Variants in NEK1 observed in about 807,000 individuals in gnomAD.
NEK1 encodes NIMA related kinase 1.
A neutral mutation model predicts 182.1 loss-of-function variants in NEK1; 137 were observed. The ratio of observed to expected loss-of-function variants is 0.75; its 90% CI spans 0.65 to 0.87. NEK1 has a LOEUF of 0.87. Ranked by LOEUF, NEK1 falls within the 40% of genes least tolerant of loss-of-function variation. The pLI, the probability that NEK1 is intolerant of heterozygous loss-of-function variation, is 0.00. For synonymous variants in NEK1, 513 were observed against 492.2 expected, an observed-to-expected ratio of 1.04 and a Z score of -0.56; for missense variants, 1,391 against 1,494.4, an observed-to-expected ratio of 0.93 and a Z score of 1.14.
chr4:169,473,892 C>A (rs1340793494), intron 26 of NEK1, among the ~76,000 whole-genome samples: 2 of 152,094 alleles, frequency 1.3e-5, no homozygotes, highest in Non-Finnish European at 1.5e-5. Context: ...TAAAACTTAC[C>A]GACATGAAGG....
In NEK1 at chr4:169,421,778, T is replaced by A. The variant is rs1247096860; in HGVS notation, c.3222+2775A>T. Among the ~76,000 whole-genome samples the A allele has an allele frequency of 5.3e-5, 8 of 152,310 alleles. No homozygotes were observed. The East Asian group carries it at 1.3e-3, about 26-fold the overall frequency. On this transcript the variant is annotated intron_variant, in intron 31 of 35. Coordinates refer to ENST00000507142, the MANE Select transcript of NEK1 (RefSeq NM_001199397.3). Reference sequence around the variant, plus strand: ...AGTCTCAGGTACTTCTTGAAAGCAGTGTGAAAATCAACTCTACACAAGCGT... The same window carrying A: ...AGTCTCAGGTACTTCTTGAAAGCAGAGTGAAAATCAACTCTACACAAGCGT...
intron 12 of NEK1, among the ~76,000 whole-genome samples, chr4:169,569,278 TA>T (rs1764232456): frequency 1.3e-5 from 2 of 152,232 alleles, no homozygotes; most frequent in South Asian, 4.1e-4. Flanking sequence ...CATTAGATTT[TA>T]TTTTTAAAAA....
chr4:169,430,872 G>C (rs1306835584), intron 29 of NEK1, among the ~76,000 whole-genome samples: 2 of 151,670 alleles, frequency 1.3e-5, no homozygotes, highest in Admixed American at 1.3e-4. Flanking sequence ...TGGGGAGTGA[G>C]AGGTATCTAA....
chr4:169,611,855 TAC>T (rs1437831019), intron 2 of NEK1, among the ~76,000 whole-genome samples, 163 bp downstream of exon 2: 2 of 152,254 alleles, frequency 1.3e-5, no homozygotes, highest in Admixed American at 1.3e-4. Context: ...GCTTTGTTAA[TAC>T]AGAGTGTCTT....
chr4:169,572,376 C>A (rs533378354), intron 12 of NEK1, among the ~76,000 whole-genome samples: 24 of 152,030 alleles, frequency 1.6e-4, no homozygotes, highest in Non-Finnish European at 3.4e-4. Context: ...GGGCAGAGTT[C>A]CCATTTACTG....
intron 26 of NEK1, among the ~76,000 whole-genome samples, chr4:169,463,691 G>C (rs1171057956): frequency 6.6e-6 from 1 of 152,138 alleles, no homozygotes; most frequent in Non-Finnish European, 1.5e-5. Context: ...TATCTGAAAT[G>C]CTTGGGGCCA....
At chr4:169,545,514 T>C (rs1308017837) in intron 18 of NEK1, among the ~76,000 whole-genome samples, 2 of 150,096 alleles carry the variant, frequency 1.3e-5, no homozygotes, top group Non-Finnish European at 1.5e-5. Flanking sequence ...TAAACATATG[T>C]GTGCATGTGT....
chr4:169,468,294 A>T (rs956483070), intron 26 of NEK1, among the ~76,000 whole-genome samples: 1 of 152,054 alleles, frequency 6.6e-6, no homozygotes, highest in Admixed American at 6.6e-5. Flanking sequence ...GGTAGAAAAA[A>T]AATTCAGAAA....
chr4:169,569,010 G>A (rs983944786), intron 12 of NEK1, among the ~76,000 whole-genome samples: 4 of 151,306 alleles, frequency 2.6e-5, no homozygotes, highest in Non-Finnish European at 5.9e-5. Context: ...TTAAATGCGT[G>A]TGTAAATACT....
chr4:169,527,401 T>C (rs1757045125), intron 19 of NEK1, among the ~76,000 whole-genome samples: 1 of 152,154 alleles, frequency 6.6e-6, no homozygotes, highest in South Asian at 2.1e-4. Flanking sequence ...TGTATAAATA[T>C]AACAAAGTAT....
chr4:169,451,706 C>T (rs2149468373), intron 27 of NEK1, among the ~76,000 whole-genome samples: 1 of 152,214 alleles, frequency 6.6e-6, no homozygotes, highest in South Asian at 2.1e-4. Context: ...AATTGACACC[C>T]TAACATCACA....
At chr4:169,525,976 C>A (rs570645355) in intron 19 of NEK1, among the ~76,000 whole-genome samples, 7 of 152,224 alleles carry the variant, frequency 4.6e-5, no homozygotes, top group African/African-American at 1.7e-4. Flanking sequence ...TAAAAATCCC[C>A]ACTACAAAGA....
At chr4:169,521,828 G>C (rs1011541661) in intron 19 of NEK1, among the ~76,000 whole-genome samples, 1 of 152,280 alleles carries the variant, frequency 6.6e-6, no homozygotes, top group Middle Eastern at 3.4e-3. Context: ...CATATGGAAT[G>C]TGTCATTTCT....
chr4:169,492,457 C>G (rs1393595139), intron 23 of NEK1, among the ~76,000 whole-genome samples: 1 of 151,992 alleles, frequency 6.6e-6, no homozygotes, highest in South Asian at 2.1e-4. Context: ...TGTGTCTCTG[C>G]TCCCCTCACC....
intron 16 of NEK1, 47 bp from the exon 17 acceptor site, chr4:169,556,142 A>G: frequency 6.5e-7 from 1 of 1,543,844 alleles, no homozygotes; most frequent in Non-Finnish European, 8.8e-7. Flanking sequence ...TATAAGGCCT[A>G]ACAGGCCTGT....
intron 18 of NEK1, among the ~76,000 whole-genome samples, chr4:169,547,225 C>A (rs1303793507): frequency 1.3e-5 from 2 of 152,194 alleles, no homozygotes; most frequent in Non-Finnish European, 1.5e-5. Flanking sequence ...TTCTCCTTCA[C>A]TTATGAAGCT....
At chr4:169,483,844 C>T (rs148360967) in intron 23 of NEK1, among the ~76,000 whole-genome samples, 10,204 of 130,284 alleles carry the variant, frequency 0.078, 1,175 homozygotes, top group African/African-American at 0.27. Flanking sequence ...CCAGCCTGGG[C>T]GACAGAGTGA....
At chr4:169,508,102 T>G (rs2149695031) in intron 21 of NEK1, 146 bp downstream of exon 21, 2 of 707,472 alleles carry the variant, frequency 2.8e-6, no homozygotes, top group African/African-American at 3.7e-5. Context: ...TAAGATTTAC[T>G]TTATGTGTAG....
At chr4:169,407,988 C>T (rs1230485760) in intron 31 of NEK1, among the ~76,000 whole-genome samples, 1 of 152,162 alleles carries the variant, frequency 6.6e-6, no homozygotes, top group East Asian at 1.9e-4. Flanking sequence ...GGAAGTATTT[C>T]TTTTGCTGAA....
Sources: allele counts gnomAD v4.1 joint callset (sites outside exome capture counted in the v4.1 genomes callset), GRCh38; gene constraint gnomAD v4.1.1; transcripts MANE v1.5; gene names NCBI Gene and HGNC (gene_info 2026-07-23, HGNC 2026-07-21).